Variants in STIM2 observed in about 807,000 individuals in gnomAD.
STIM2 encodes the protein stromal interaction molecule 2.
A neutral mutation model predicts 85.8 loss-of-function variants in STIM2; 31 were observed. The observed-to-expected ratio is 0.36, with a 90% CI of 0.27 to 0.49. The LOEUF is 0.49. Among genes scored for constraint, STIM2 ranks in the 20% least tolerant of loss-of-function variants. The probability of loss-of-function intolerance (pLI) is 0.98; values close to 1 mark genes in which losing one functional copy is unlikely to be tolerated. For synonymous variants in STIM2, 356 were observed against 331.1 expected, an observed-to-expected ratio of 1.08 and a Z score of -0.82; for missense variants, 841 against 927.6, an observed-to-expected ratio of 0.91 and a Z score of 1.21.
At chr4:26,929,965 A>G (rs994734765) in intron 2 of STIM2, among the ~76,000 whole-genome samples, 1 of 152,182 alleles carries the variant, frequency 6.6e-6, no homozygotes, top group Non-Finnish European at 1.5e-5. Context: ...GTACTTGGAC[A>G]AATAAGAGAA....
chr4:26,960,318 G>T (rs144509596), intron 3 of STIM2, among the ~76,000 whole-genome samples: 1 of 152,174 alleles, frequency 6.6e-6, no homozygotes, highest in Non-Finnish European at 1.5e-5. Flanking sequence ...ACAAAAGTGT[G>T]TGTATGTGTG....
At chr4:26,891,597 ACC>A (rs1312544455) in intron 1 of STIM2, among the ~76,000 whole-genome samples, 52 of 130,376 alleles carry the variant, frequency 4.0e-4, no homozygotes, top group East Asian at 3.1e-3. Context: ...ACACACACAC[ACC>A]CCCTTTTGGT....
intron 2 of STIM2, among the ~76,000 whole-genome samples, chr4:26,951,085 A>C (rs1488392125): frequency 8.5e-5 from 13 of 152,068 alleles, no homozygotes; most frequent in Admixed American, 6.6e-5. Context: ...TTTTGCCCTG[A>C]TGGTGTCATA....
intron 7 of STIM2, among the ~76,000 whole-genome samples, chr4:27,005,511 A>G (rs1434400436): frequency 6.6e-6 from 1 of 152,228 alleles, no homozygotes; most frequent in Non-Finnish European, 1.5e-5. Flanking sequence ...CCAAAGATAC[A>G]AAAATCATGT....
chr4:27,000,298 A>G (rs1438099724), intron 5 of STIM2, among the ~76,000 whole-genome samples: 1 of 152,174 alleles, frequency 6.6e-6, no homozygotes, highest in African/African-American at 2.4e-5. Context: ...CTGGTGAAAC[A>G]GCTGGAACTC....
chr4:26,912,793 A>C (rs1315993016), intron 1 of STIM2, among the ~76,000 whole-genome samples: 1 of 152,218 alleles, frequency 6.6e-6, no homozygotes, highest in Middle Eastern at 3.2e-3. Flanking sequence ...CATATGCTGT[A>C]GATTAAAAAT....
chr4:26,958,397 A>G (rs183728902), intron 3 of STIM2, among the ~76,000 whole-genome samples: 4 of 152,178 alleles, frequency 2.6e-5, no homozygotes, highest in African/African-American at 9.7e-5. Flanking sequence ...TTCTTTCATA[A>G]AAGTCAGCAA....
chr4:26,882,480 C>G (rs1271698622), intron 1 of STIM2, among the ~76,000 whole-genome samples: 1 of 149,792 alleles, frequency 6.7e-6, no homozygotes, highest in South Asian at 2.1e-4. Flanking sequence ...TTTTTTGAGA[C>G]AGGGTCTGGC....
At chr4:26,957,500 CAGTT>C in intron 2 of STIM2, 108 bp from the exon 3 acceptor site, 1 of 549,414 alleles carries the variant, frequency 1.8e-6, no homozygotes, top group Non-Finnish European at 3.1e-6. Context: ...AAAAATTTGC[CAGTT>C]ACTGTTTGAA....
chr4:26,897,391 C>G (rs936981825), intron 1 of STIM2, among the ~76,000 whole-genome samples: 5 of 152,150 alleles, frequency 3.3e-5, no homozygotes, highest in African/African-American at 1.2e-4. Context: ...TGTTAAACAT[C>G]TTTTCATATT....
intron 3 of STIM2, among the ~76,000 whole-genome samples, chr4:26,962,383 A>G (rs1300215397): frequency 6.6e-6 from 1 of 152,186 alleles, no homozygotes; most frequent in East Asian, 1.9e-4. Context: ...GTCTCACAAT[A>G]TTTATTGATA....
intron 1 of STIM2, among the ~76,000 whole-genome samples, chr4:26,896,516 G>A (rs1247513352): frequency 1.3e-5 from 2 of 152,126 alleles, no homozygotes; most frequent in Admixed American, 1.3e-4. Context: ...ATGAGATGAT[G>A]CCTTGACTCT....
rs956543374 is a variant in STIM2 at position 27,012,850 on chromosome 4, G to GT, written c.1489+3856dup. Reference sequence around the variant, plus strand: ...TTCTATTTCTGTCTTGCTAAGAATGGTTTTTTTTGGTTAATCAGTGGATAT... The same window carrying GT: ...TTCTATTTCTGTCTTGCTAAGAATGGTTTTTTTTTGGTTAATCAGTGGATAT... On this transcript the variant is annotated intron_variant, in intron 10 of 11. Coordinates refer to ENST00000467087, the MANE Select transcript of STIM2 (RefSeq NM_020860.4). Among the ~76,000 whole-genome samples the GT allele has an allele frequency of 3.3e-5, 5 of 151,630 alleles. No individual in the cohort carries two copies. The East Asian group carries it at 5.8e-4, about 18-fold the overall frequency.
At chr4:26,965,084 CAG>C (rs1191823597) in intron 3 of STIM2, among the ~76,000 whole-genome samples, 5 of 152,154 alleles carry the variant, frequency 3.3e-5, no homozygotes, top group Admixed American at 2.0e-4. Context: ...CACTTTCCTA[CAG>C]TGCTTTTAGC....
At chr4:26,878,102 AGGGAC>A in intron 1 of STIM2, among the ~76,000 whole-genome samples, 1 of 152,180 alleles carries the variant, frequency 6.6e-6, no homozygotes, top group South Asian at 2.1e-4. Flanking sequence ...GGCTGCACAA[AGGGAC>A]TAAGACACTG....
At chr4:26,902,198 C>T (rs1241256751) in intron 1 of STIM2, among the ~76,000 whole-genome samples, 3 of 152,112 alleles carry the variant, frequency 2.0e-5, no homozygotes, top group Non-Finnish European at 4.4e-5. Flanking sequence ...TACAGGAACA[C>T]TTCGGGAGAA....
intron 2 of STIM2, among the ~76,000 whole-genome samples, chr4:26,947,669 C>T (rs1725886272): frequency 6.6e-6 from 1 of 152,182 alleles, no homozygotes. Context: ...CTCGCCAGCC[C>T]TAGACCTGTT....
At chr4:26,935,009 T>G (rs1276234169) in intron 2 of STIM2, among the ~76,000 whole-genome samples, 7 of 151,684 alleles carry the variant, frequency 4.6e-5, no homozygotes, top group Non-Finnish European at 1.0e-4. Flanking sequence ...AGTGTAGATA[T>G]CATTTTGATA....
chr4:26,916,908 CTG>C (rs1724604101), intron 1 of STIM2, among the ~76,000 whole-genome samples: 1 of 152,132 alleles, frequency 6.6e-6, no homozygotes, highest in South Asian at 2.1e-4. Flanking sequence ...TCTCACAAAA[CTG>C]TGAGCTTTTT....
Sources: allele counts gnomAD v4.1 joint callset (sites outside exome capture counted in the v4.1 genomes callset), GRCh38; gene constraint gnomAD v4.1.1; transcripts MANE v1.5; gene names NCBI Gene and HGNC (gene_info 2026-07-23, HGNC 2026-07-21).